Variants in SHANK2 observed in about 807,000 individuals in gnomAD.
The protein encoded by SHANK2 is SH3 and multiple ankyrin repeat domains 2.
SHANK2 carries 43 observed loss-of-function variants against 133.7 expected under a neutral mutation model. The ratio of observed to expected loss-of-function variants is 0.32; its 90% CI spans 0.25 to 0.41. The LOEUF is 0.41. Ranked by LOEUF, SHANK2 falls within the 10% of genes least tolerant of loss-of-function variation. SHANK2 has a pLI of 1.00. For missense variants in SHANK2, 1,994 were observed against 2,235.8 expected, an observed-to-expected ratio of 0.89 and a Z score of 2.18; for synonymous variants, 1,017 against 952.8, an observed-to-expected ratio of 1.07 and a Z score of -1.24.
chr11:70,839,307 C>T (rs1280353450), intron 11 of SHANK2, among the ~76,000 whole-genome samples: 1 of 152,200 alleles, frequency 6.6e-6, no homozygotes, highest in East Asian at 1.9e-4. Context: ...TATTTGGTAA[C>T]TCAGCCTAGA....
At chr11:70,816,902 C>A (rs1447753386) in intron 12 of SHANK2, among the ~76,000 whole-genome samples, 2 of 152,222 alleles carry the variant, frequency 1.3e-5, no homozygotes, top group African/African-American at 4.8e-5. Context: ...GCTCAGGGCA[C>A]CAGCCTTTGC....
In SHANK2 at chr11:70,500,330, T is replaced by C. The variant is rs1487558491; in HGVS notation, c.2308+240A>G. On this transcript the variant is annotated intron_variant, in intron 21 of 25. Coordinates refer to ENST00000601538, the MANE Select transcript of SHANK2 (RefSeq NM_012309.5). This position sits in a 1 kb window ranked among gnomAD's most constrained non-coding sequence, Gnocchi z 4.5. The stretch of plus-strand genomic sequence containing the variant: ...CCGGCCAGCTTCACGGTCATGACGA[T>C]GTGAACACAGGTCAGGGAAGAAACA... 1.3e-5 allele frequency among the ~76,000 whole-genome samples: 2 copies of C among 152,040 alleles called. No individual in the cohort carries two copies. The highest frequency in any genetic ancestry group is 4.8e-5 in the African/African-American group (2 of 41,392).
intron 1 of SHANK2, among the ~76,000 whole-genome samples, chr11:71,241,530 C>T (rs73530375): frequency 0.011 from 1,651 of 152,272 alleles, 25 homozygotes; most frequent in African/African-American, 0.038. Context: ...ATGAGGCAAC[C>T]GGAAAGCATC....
rs1555070634 is a variant in SHANK2 at position 70,873,570 on chromosome 11, A to ACAGTGGAACGTGGAGATGGGACTGT, written c.1174+22930_1174+22931insACAGTCCCATCTCCACGTTCCACTG. 9.8e-5 allele frequency among the ~76,000 whole-genome samples: 15 copies of ACAGTGGAACGTGGAGATGGGACTGT among 152,320 alleles called. No individual in the cohort carries two copies. In the East Asian group the frequency reaches 2.7e-3, roughly 27 times the overall value. On this transcript the variant is annotated intron_variant, in intron 11 of 25. Coordinates refer to ENST00000601538, the MANE Select transcript of SHANK2 (RefSeq NM_012309.5). The stretch of plus-strand genomic sequence containing the variant: ...CCACACACCCTTTCGGGGCTTCTTC[A>ACAGTGGAACGTGGAGATGGGACTGT]GGAGAGACGTTCCACAGTCCCATCT...
chr11:70,615,478 G>A (rs184689934), intron 17 of SHANK2, among the ~76,000 whole-genome samples: 8 of 152,252 alleles, frequency 5.3e-5, no homozygotes, highest in African/African-American at 1.4e-4. Flanking sequence ...TAGTCCAAAA[G>A]TCATATGGCC....
intron 14 of SHANK2, among the ~76,000 whole-genome samples, chr11:70,797,862 C>CAT: frequency 6.6e-6 from 1 of 151,882 alleles, no homozygotes; most frequent in East Asian, 1.9e-4. Context: ...CACACACACA[C>CAT]ACACACACTC....
At chr11:71,110,204 C>T (rs542156364) in intron 5 of SHANK2, among the ~76,000 whole-genome samples, 155 bp from the exon 6 acceptor site, 37 of 152,154 alleles carry the variant, frequency 2.4e-4, no homozygotes, top group Non-Finnish European at 4.0e-4. Flanking sequence ...TTTGTGAGGC[C>T]GAGGCGGGCA....
At chr11:70,714,102 C>T (rs1945857774) in intron 14 of SHANK2, among the ~76,000 whole-genome samples, 1 of 152,234 alleles carries the variant, frequency 6.6e-6, no homozygotes, top group African/African-American at 2.4e-5. Context: ...GAGACAGGAG[C>T]AGGCGCCTGC....
At chr11:70,755,812 C>T (rs560567015) in intron 14 of SHANK2, among the ~76,000 whole-genome samples, 3 of 152,344 alleles carry the variant, frequency 2.0e-5, no homozygotes, top group South Asian at 2.1e-4. Flanking sequence ...CCGCGGCTTC[C>T]GGAGGGGCCT....
At chr11:70,669,982 C>G (rs1271826985) in intron 15 of SHANK2, among the ~76,000 whole-genome samples, 1 of 152,198 alleles carries the variant, frequency 6.6e-6, no homozygotes, top group Non-Finnish European at 1.5e-5. Flanking sequence ...TGAACATGGG[C>G]TGTGGGTGTG....
intron 17 of SHANK2, among the ~76,000 whole-genome samples, chr11:70,533,509 C>G (rs568242307): frequency 6.6e-6 from 1 of 152,168 alleles, no homozygotes; most frequent in Non-Finnish European, 1.5e-5. Context: ...CCAATCACAA[C>G]CCGGGGGCCC....
intron 17 of SHANK2, among the ~76,000 whole-genome samples, chr11:70,544,019 C>T (rs560224749): frequency 1.3e-5 from 2 of 152,310 alleles, no homozygotes; most frequent in South Asian, 4.1e-4. Flanking sequence ...TTGCTTTTTC[C>T]TATAGCCTCA....
Position 70,924,980 on chromosome 11 carries a change from G to A in SHANK2, c.1108-28413C>T, listed in dbSNP as rs187333461. Among the ~76,000 whole-genome samples, 7 of 152,234 alleles carry A rather than the reference G, an allele frequency of 4.6e-5. No homozygotes were observed. The East Asian group carries it at 5.8e-4, about 13-fold the overall frequency. ...TTCCCATCACCATCCGGGCTCACAGGGGGGCAGATTGAGCACCCACTTGCC... is the reference window on the plus strand; with the variant it reads ...TTCCCATCACCATCCGGGCTCACAGAGGGGCAGATTGAGCACCCACTTGCC... On this transcript the variant is annotated intron_variant, in intron 10 of 25. Transcript: ENST00000601538.
In SHANK2 at chr11:71,118,709, T is replaced by C. The variant is rs2135265760; in HGVS notation, c.411+120A>G. The C allele has an allele frequency of 5.7e-6, 5 of 874,680 alleles. No individual in the cohort carries two copies. The South Asian group carries it at 6.0e-5, about 11-fold the overall frequency. The allele number at this position is 874,680 out of a possible 1,614,324, so 54.2% of individuals were successfully genotyped here. A position where few individuals can be genotyped will look rare whatever the true frequency, so the allele number is the denominator to read the frequency against. ...AAGACCCCAGACTGATTTTTAAATG[T>C]GGGGATAATTTCCCAATGCAAATGG... On this transcript the variant is annotated intron_variant, in intron 4 of 25. Transcript: ENST00000601538.
At chr11:70,624,525 C>G (rs145041054) in intron 17 of SHANK2, among the ~76,000 whole-genome samples, 1 of 145,260 alleles carries the variant, frequency 6.9e-6, no homozygotes, top group South Asian at 2.2e-4. Context: ...ATGGCCACAA[C>G]CTTCTTCAAA....
chr11:70,700,193 A>C (rs1020547955), intron 14 of SHANK2, among the ~76,000 whole-genome samples: 11 of 152,214 alleles, frequency 7.2e-5, no homozygotes, highest in Non-Finnish European at 1.0e-4. Context: ...CTCCTACAAA[A>C]CACAACAGGA....
At chr11:70,894,477 G>A (rs1257161238) in intron 11 of SHANK2, among the ~76,000 whole-genome samples, 3 of 152,132 alleles carry the variant, frequency 2.0e-5, no homozygotes, top group Non-Finnish European at 2.9e-5. Flanking sequence ...GTGAGACACC[G>A]CGCCTGGCCC....
In SHANK2 at chr11:70,471,300, G is replaced by C. The variant is rs2058595284; in HGVS notation, c.*1569C>G. 3 of 398,430 alleles carry C rather than the reference G, an allele frequency of 7.5e-6. No homozygotes were observed. Among genetic ancestry groups the C allele is most frequent in the Non-Finnish European group, 1.3e-5 (3 of 225,990 alleles). 24.7% of individuals were successfully genotyped at this position (398,430 alleles called of 1,614,324 possible). A position where few individuals can be genotyped will look rare whatever the true frequency, so the allele number is the denominator to read the frequency against. On this transcript the variant is annotated 3_prime_UTR_variant, in exon 26 of 26. Transcript: ENST00000601538. The surrounding 1 kb of genome is among the most constrained non-coding windows in gnomAD (Gnocchi z 4.1). ...AACAAAACCATGTTTTATAATTAGAGATGGGCTGAGCTAGTTCTGAAATAA... is the reference window on the plus strand; with the variant it reads ...AACAAAACCATGTTTTATAATTAGACATGGGCTGAGCTAGTTCTGAAATAA...
intron 17 of SHANK2, among the ~76,000 whole-genome samples, chr11:70,640,758 TG>T (rs1229421311): frequency 2.6e-5 from 4 of 152,234 alleles, no homozygotes; most frequent in Non-Finnish European, 5.9e-5. Context: ...TGGAATCCTC[TG>T]TAAGTTGCTC....
Sources: gnomAD v4.1 joint callset for allele counts (sites outside exome capture counted in the v4.1 genomes callset) on GRCh38, gnomAD v4.1.1 for gene constraint, Gnocchi (gnomAD v3.1) non-coding constraint, MANE v1.5 for transcripts, NCBI Gene and HGNC (gene_info 2026-07-23, HGNC 2026-07-21) for gene names.